Variants in PTPRG observed in about 807,000 individuals in gnomAD.
The protein encoded by PTPRG is receptor-type tyrosine-protein phosphatase gamma.
In PTPRG, 102 loss-of-function variants were observed where a neutral mutation model predicts 165.3. The observed-to-expected ratio is 0.62, with a 90% CI of 0.53 to 0.73. The LOEUF is 0.73. Among genes scored for constraint, PTPRG ranks in the 30% least tolerant of loss-of-function variants. The pLI is 0.00. For synonymous variants in PTPRG, 675 were observed against 669.5 expected (o/e 1.01, Z -0.13); for missense variants, 1,866 against 1,861.4 (o/e 1.00, Z -0.05).
At chr3:62,230,552 A>C (rs2106919917) in intron 13 of PTPRG, among the ~76,000 whole-genome samples, 1 of 152,346 alleles carries the variant, frequency 6.6e-6, no homozygotes, top group Admixed American at 6.5e-5. Flanking sequence ...GTGTGACAGA[A>C]GTGCATCTTT....
intron 4 of PTPRG, among the ~76,000 whole-genome samples, chr3:62,015,186 G>T (rs2041512117): frequency 6.6e-6 from 1 of 152,202 alleles, no homozygotes; most frequent in African/African-American, 2.4e-5. Context: ...CATTAACAGA[G>T]CCTTCTCTGT....
At chr3:62,080,516 T>C (rs1361016883) in intron 5 of PTPRG, among the ~76,000 whole-genome samples, 1 of 152,192 alleles carries the variant, frequency 6.6e-6, no homozygotes, top group Non-Finnish European at 1.5e-5. Flanking sequence ...TTCATGCAGC[T>C]GGACCTCTGC....
chr3:61,988,341 C>A (rs2040808540), intron 2 of PTPRG, among the ~76,000 whole-genome samples: 1 of 152,026 alleles, frequency 6.6e-6, no homozygotes, highest in Non-Finnish European at 1.5e-5. Flanking sequence ...TTTCTTGTAC[C>A]ATTGTTTATA....
intron 1 of PTPRG, among the ~76,000 whole-genome samples, chr3:61,606,161 G>A (rs757416775): frequency 6.6e-6 from 1 of 152,240 alleles, no homozygotes; most frequent in Non-Finnish European, 1.5e-5. Flanking sequence ...TAGGGTGCCA[G>A]CCAGGGCTGT....
At chr3:62,081,876 A>G (rs970887118) in intron 5 of PTPRG, among the ~76,000 whole-genome samples, 2 of 152,196 alleles carry the variant, frequency 1.3e-5, no homozygotes, top group African/African-American at 4.8e-5. Flanking sequence ...ACATTTTAGT[A>G]TTGAAGAACG....
chr3:61,743,161 T>C (rs1374184814), intron 1 of PTPRG: 1 of 948,042 alleles, frequency 1.1e-6, no homozygotes, highest in Non-Finnish European at 1.7e-6. Flanking sequence ...ATTTTTATCT[T>C]TTTTTGCTTC....
chr3:61,602,535 G>A (rs1700898949), intron 1 of PTPRG, among the ~76,000 whole-genome samples: 1 of 152,198 alleles, frequency 6.6e-6, no homozygotes, highest in African/African-American at 2.4e-5. Context: ...GTTAAAAACT[G>A]AACTGCCATG....
chr3:61,573,003 A>G (rs1700093006), intron 1 of PTPRG, among the ~76,000 whole-genome samples: 1 of 152,204 alleles, frequency 6.6e-6, no homozygotes, highest in African/African-American at 2.4e-5. Flanking sequence ...CTGGCTGATG[A>G]CATGACTTCT....
At chr3:62,107,360 A>G (rs767966541) in intron 5 of PTPRG, among the ~76,000 whole-genome samples, 1 of 152,254 alleles carries the variant, frequency 6.6e-6, no homozygotes, top group South Asian at 2.1e-4. Context: ...CTTCTGGGCT[A>G]TTAAAGATGC....
intron 1 of PTPRG, among the ~76,000 whole-genome samples, chr3:61,714,850 T>A (rs1222602737): frequency 6.6e-6 from 1 of 152,230 alleles, no homozygotes; most frequent in Non-Finnish European, 1.5e-5. Context: ...GTATCTTGTT[T>A]TAGCTACTCC....
chr3:61,936,944 A>G (rs2039497226), intron 2 of PTPRG, among the ~76,000 whole-genome samples: 2 of 152,364 alleles, frequency 1.3e-5, no homozygotes, highest in South Asian at 4.1e-4. Flanking sequence ...AGTTCACACA[A>G]GTGATGTACA....
chr3:61,760,638 C>G (rs1201356828), intron 2 of PTPRG, among the ~76,000 whole-genome samples: 1 of 152,094 alleles, frequency 6.6e-6, no homozygotes, highest in Non-Finnish European at 1.5e-5. Flanking sequence ...GGTACTTGTA[C>G]AGGATGTGCA....
intron 6 of PTPRG, among the ~76,000 whole-genome samples, chr3:62,154,535 A>G (rs1258872545): frequency 1.3e-5 from 2 of 152,130 alleles, no homozygotes; most frequent in Non-Finnish European, 2.9e-5. Context: ...ACCCTGCCCA[A>G]TCAGCGTTCC....
chr3:61,955,822 C>T (rs1174447827), intron 2 of PTPRG, among the ~76,000 whole-genome samples: 6 of 152,092 alleles, frequency 3.9e-5, no homozygotes, highest in Non-Finnish European at 8.8e-5. Context: ...AGAAAGTTCT[C>T]CTTTAACAAC....
At chr3:62,117,071 T>C (rs1702893255) in intron 5 of PTPRG, among the ~76,000 whole-genome samples, 1 of 152,228 alleles carries the variant, frequency 6.6e-6, no homozygotes, top group Admixed American at 6.5e-5. Flanking sequence ...CTTTACTTTC[T>C]ATGACACTTG....
chr3:61,596,846 G>GA (rs1315274072), intron 1 of PTPRG, among the ~76,000 whole-genome samples: 1 of 152,060 alleles, frequency 6.6e-6, no homozygotes, highest in African/African-American at 2.4e-5. Context: ...TTTTAGAAGT[G>GA]AATAATTGTC....
chr3:61,820,002 TTAATAA>T (rs1218811749), intron 2 of PTPRG, among the ~76,000 whole-genome samples: 1 of 152,148 alleles, frequency 6.6e-6, no homozygotes, highest in Admixed American at 6.5e-5. Flanking sequence ...TTGGTTTTTA[TTAATAA>T]TAAAAAAGAA....
At position 61,789,450 on chromosome 3, in the gene PTPRG, GCCCTTACAGA is replaced by G. The variant is rs562456860; in HGVS notation, c.190+40469_190+40478del. On this transcript the variant is annotated intron_variant, in intron 2 of 29. Transcript: ENST00000474889. ...CAGAGATGATTAAGACATACTTCTT[GCCCTTACAGA>G]AATTCATACTAGTTGAATAGACCAA... 9.9e-5 allele frequency among the ~76,000 whole-genome samples: 15 copies of G among 152,234 alleles called. No individual in the cohort carries two copies. The South Asian group carries it at 3.1e-3, about 32-fold the overall frequency.
rs759534887 is a variant in PTPRG at position 62,271,404 on chromosome 3, GGTC to G, written c.3035_3037del (p.Arg1012del). The G allele has an allele frequency of 1.2e-6, 2 of 1,608,216 alleles. No homozygotes were observed. The highest frequency in any genetic ancestry group is 2.2e-5 in the South Asian group (2 of 89,760). On this transcript the variant is annotated inframe_deletion, in exon 21 of 30. Transcript: ENST00000474889. This position sits in a 1 kb window ranked among gnomAD's most constrained non-coding sequence, Gnocchi z 4.1. ...ACAGGGTCAGAAGGGAAATCCCAAG[GGTC>G]GTCAGAATGAAAGGGTAGTGATCCA...
Sources: allele counts gnomAD v4.1 joint callset (sites outside exome capture counted in the v4.1 genomes callset), GRCh38; gene constraint gnomAD v4.1.1; non-coding constraint Gnocchi (gnomAD v3.1); transcripts MANE v1.5; gene names NCBI Gene and HGNC (gene_info 2026-07-23, HGNC 2026-07-21).